Variants in FAM110B observed in about 807,000 individuals in gnomAD.
FAM110B encodes family with sequence similarity 110 member B, also known as protein FAM110B.
In FAM110B, 6 loss-of-function variants were observed where a neutral mutation model predicts 20.4. The ratio of observed to expected loss-of-function variants is 0.29; its 90% confidence interval spans 0.16 to 0.58. The LOEUF is 0.58. FAM110B is among the 20% of genes least tolerant of loss of function. The probability of loss-of-function intolerance (pLI) is 0.90; values close to 1 mark genes in which losing one functional copy is unlikely to be tolerated. For synonymous variants in FAM110B, 226 were observed against 214.1 expected, an observed-to-expected ratio of 1.06 and a Z score of -0.49; for missense variants, 434 against 498.2, an observed-to-expected ratio of 0.87 and a Z score of 1.23.
At chr8:58,039,606 C>T (rs1340406836) in intron 2 of FAM110B, among the ~76,000 whole-genome samples, 1 of 152,158 alleles carries the variant, frequency 6.6e-6, no homozygotes, top group Non-Finnish European at 1.5e-5. Flanking sequence ...TGTTAGGAGC[C>T]GCTCCTATCT....
chr8:58,138,605 T>G (rs1332602436), intron 3 of FAM110B, among the ~76,000 whole-genome samples: 1 of 152,148 alleles, frequency 6.6e-6, no homozygotes, highest in East Asian at 1.9e-4. Context: ...GAGCACCGAG[T>G]GAAGGGCTTT....
At chr8:58,113,533 G>A (rs561317396) in intron 3 of FAM110B, 10 of 182,300 alleles carry the variant, frequency 5.5e-5, no homozygotes, top group South Asian at 1.2e-4. Flanking sequence ...AGAGGAAGAC[G>A]TAATCTTCCT....
At chr8:58,043,064 A>G (rs750345728) in intron 2 of FAM110B, 3 of 152,348 alleles carry the variant, frequency 2.0e-5, no homozygotes, top group South Asian at 4.1e-4. Flanking sequence ...AAGAATATGA[A>G]TGAAAGCAGC....
intron 3 of FAM110B, among the ~76,000 whole-genome samples, chr8:58,143,232 T>G (rs1402079269): frequency 6.6e-6 from 1 of 152,198 alleles, no homozygotes; most frequent in Non-Finnish European, 1.5e-5. Context: ...AAACTTGGAG[T>G]ATGCCTTAGT....
At chr8:58,124,125 C>G (rs1807433424) in intron 3 of FAM110B, among the ~76,000 whole-genome samples, 1 of 152,112 alleles carries the variant, frequency 6.6e-6, no homozygotes, top group African/African-American at 2.4e-5. Context: ...GGCTAGGTTC[C>G]CCATTAACAT....
chr8:58,034,256 G>A (rs1010108369), intron 2 of FAM110B, among the ~76,000 whole-genome samples: 1 of 152,140 alleles, frequency 6.6e-6, no homozygotes, highest in African/African-American at 2.4e-5. Flanking sequence ...CTTGTGCTCC[G>A]GGTATCATTG....
At chr8:58,082,310 T>G (rs1806217674) in intron 3 of FAM110B, among the ~76,000 whole-genome samples, 3 of 152,226 alleles carry the variant, frequency 2.0e-5, no homozygotes, top group Admixed American at 6.5e-5. Context: ...ACAAACCATC[T>G]AGGGGAAAAT....
At chr8:58,131,193 C>T (rs977887270) in intron 3 of FAM110B, among the ~76,000 whole-genome samples, 1 of 152,172 alleles carries the variant, frequency 6.6e-6, no homozygotes, top group African/African-American at 2.4e-5. Flanking sequence ...ACATTTTAAT[C>T]CCCCTGTTCT....
At chr8:58,000,607 C>T (rs1012711538) in intron 1 of FAM110B, among the ~76,000 whole-genome samples, 1 of 152,174 alleles carries the variant, frequency 6.6e-6, no homozygotes, top group Non-Finnish European at 1.5e-5. Context: ...TATATTTAGT[C>T]ACACACGTGC....
At chr8:58,121,590 T>C (rs1469927848) in intron 3 of FAM110B, among the ~76,000 whole-genome samples, 2 of 152,234 alleles carry the variant, frequency 1.3e-5, no homozygotes, top group Non-Finnish European at 2.9e-5. Context: ...AAGTTAATTT[T>C]ATTATGACAA....
chr8:58,062,713 G>T (rs1246563620), intron 2 of FAM110B, among the ~76,000 whole-genome samples: 6 of 152,102 alleles, frequency 3.9e-5, no homozygotes, highest in Non-Finnish European at 4.4e-5. Context: ...ACTTGCCAAG[G>T]TTCATGTCAA....
chr8:58,048,292 AT>A (rs558093142), intron 2 of FAM110B, among the ~76,000 whole-genome samples: 13 of 151,714 alleles, frequency 8.6e-5, no homozygotes, highest in Non-Finnish European at 1.6e-4. Flanking sequence ...GGTGGTCCTG[AT>A]TTTTTTTTAT....
chr8:58,044,636 T>C (rs866864445), intron 2 of FAM110B, among the ~76,000 whole-genome samples: 6 of 152,194 alleles, frequency 3.9e-5, no homozygotes, highest in Admixed American at 1.3e-4. Flanking sequence ...CTTAACAAAA[T>C]CATCAGCTTT....
chr8:58,047,630 C>CTCTCTCTCTCTG (rs1554519122), intron 2 of FAM110B, among the ~76,000 whole-genome samples: 1 of 146,222 alleles, frequency 6.8e-6, no homozygotes, highest in Non-Finnish European at 1.5e-5. Context: ...CTCTCTCTCT[C>CTCTCTCTCTCTG]TCTCTGACTT....
chr8:58,042,425 T>G (rs1214092596), intron 2 of FAM110B, among the ~76,000 whole-genome samples: 1 of 152,240 alleles, frequency 6.6e-6, no homozygotes, highest in Non-Finnish European at 1.5e-5. Context: ...TTGCAGAGAT[T>G]CTTTTACACA....
At chr8:58,106,470 G>A (rs1037660325) in intron 3 of FAM110B, among the ~76,000 whole-genome samples, 5 of 152,198 alleles carry the variant, frequency 3.3e-5, no homozygotes, top group South Asian at 2.1e-4. Flanking sequence ...ATGAAAAGTG[G>A]CAGTCAAATT....
chr8:58,129,323 T>C (rs1807593603), intron 3 of FAM110B, among the ~76,000 whole-genome samples: 1 of 152,220 alleles, frequency 6.6e-6, no homozygotes. Flanking sequence ...ATTACTGAAC[T>C]GTAATTGCTG....
rs117595187 is a variant in FAM110B, at chr8:58,086,324, G to A, written c.-325+10701G>A. Among the ~76,000 whole-genome samples the A allele has an allele frequency of 7.3e-3, 1,111 of 152,196 alleles. 7 individuals are homozygous for A. The highest frequency in any genetic ancestry group is 0.011 in the Non-Finnish European group (720 of 67,998). ...ACTTTAAATCTACCATTAAGAAACAGGAAATTAAGAGATCGCTTGAAGACA... is the reference window on the plus strand; with the variant it reads ...ACTTTAAATCTACCATTAAGAAACAAGAAATTAAGAGATCGCTTGAAGACA... On this transcript the variant is annotated intron_variant, in intron 3 of 3. Transcript: ENST00000519262.
chr8:57,995,409 G>T (rs192907365), intron 1 of FAM110B, among the ~76,000 whole-genome samples: 178 of 152,314 alleles, frequency 1.2e-3, no homozygotes, highest in African/African-American at 3.9e-3. Flanking sequence ...TCCTCCCGTG[G>T]CCTCAATTGT....
Sources: gnomAD v4.1 joint callset for allele counts (sites outside exome capture counted in the v4.1 genomes callset) on GRCh38, gnomAD v4.1.1 for gene constraint, MANE v1.5 for transcripts, NCBI Gene and HGNC (gene_info 2026-07-23, HGNC 2026-07-21) for gene names.